The following NALF1 variants were observed in gnomAD, a reference collection of about 807,000 sequenced individuals.
The protein encoded by NALF1 is family with sequence similarity 155 member A.
NALF1 carries 3 observed loss-of-function variants against 48.4 expected under a neutral mutation model. That is an observed-to-expected ratio of 0.06 (90% CI 0.03 to 0.16). The LOEUF is 0.16. NALF1 is among the 10% of genes least tolerant of loss of function. NALF1 has a pLI of 1.00. For synonymous variants in NALF1, 262 were observed against 245.7 expected, an observed-to-expected ratio of 1.07 and a Z score of -0.62; for missense variants, 526 against 571.5, an observed-to-expected ratio of 0.92 and a Z score of 0.81.
At chr13:107,759,029 G>C (rs1877194163) in intron 1 of NALF1, among the ~76,000 whole-genome samples, 1 of 152,070 alleles carries the variant, frequency 6.6e-6, no homozygotes, top group South Asian at 2.1e-4. Context: ...AAGATCTCAG[G>C]GTAGTGGTGT....
chr13:107,435,687 T>G (rs1418439816), intron 1 of NALF1, among the ~76,000 whole-genome samples: 2 of 151,952 alleles, frequency 1.3e-5, no homozygotes, highest in African/African-American at 4.8e-5. Context: ...AGGAAGCACT[T>G]GAAATAACTA....
At chr13:107,201,159 T>C (rs1879507007) in intron 2 of NALF1, among the ~76,000 whole-genome samples, 1 of 147,196 alleles carries the variant, frequency 6.8e-6, no homozygotes, top group African/African-American at 2.7e-5. Flanking sequence ...TATCTATCTA[T>C]CTATCTATCA....
At chr13:107,782,376 G>A (rs948070062) in intron 1 of NALF1, among the ~76,000 whole-genome samples, 2 of 152,200 alleles carry the variant, frequency 1.3e-5, no homozygotes, top group Non-Finnish European at 2.9e-5. Flanking sequence ...CCAGGCTGGA[G>A]TGCAGTGGCG....
At chr13:107,369,889 T>C (rs1215933793) in intron 1 of NALF1, among the ~76,000 whole-genome samples, 1 of 152,186 alleles carries the variant, frequency 6.6e-6, no homozygotes, top group Non-Finnish European at 1.5e-5. Context: ...AATTGGGGCT[T>C]TGTTGTAAAT....
At chr13:107,833,457 T>G (rs548572988) in intron 1 of NALF1, among the ~76,000 whole-genome samples, 1 of 152,358 alleles carries the variant, frequency 6.6e-6, no homozygotes, top group African/African-American at 2.4e-5. Flanking sequence ...CTGCTAGCTG[T>G]CTTACACTGT....
At chr13:107,678,166 A>G (rs1176575296) in intron 1 of NALF1, among the ~76,000 whole-genome samples, 2 of 152,194 alleles carry the variant, frequency 1.3e-5, no homozygotes, top group African/African-American at 4.8e-5. Flanking sequence ...CCTTCTTTGA[A>G]GTATTTACTT....
intron 2 of NALF1, among the ~76,000 whole-genome samples, 180 bp downstream of exon 2, chr13:107,210,404 T>G (rs1478803992): frequency 6.6e-6 from 1 of 152,210 alleles, no homozygotes; most frequent in Non-Finnish European, 1.5e-5. Flanking sequence ...GTACAGAAGC[T>G]GAATCATTTC....
At chr13:107,582,170 T>C (rs1878330695) in intron 1 of NALF1, among the ~76,000 whole-genome samples, 1 of 152,216 alleles carries the variant, frequency 6.6e-6, no homozygotes. Context: ...TAAATTACCA[T>C]AAATGACATA....
intron 1 of NALF1, among the ~76,000 whole-genome samples, chr13:107,416,258 G>A (rs553724733): frequency 6.6e-6 from 1 of 151,196 alleles, no homozygotes; most frequent in Non-Finnish European, 1.5e-5. Context: ...CTCGTGATCT[G>A]CCTGCCTTGG....
intron 1 of NALF1, among the ~76,000 whole-genome samples, chr13:107,651,311 C>T (rs538066371): frequency 2.0e-5 from 3 of 152,192 alleles, no homozygotes; most frequent in Admixed American, 2.0e-4. Context: ...ATAGGTCATG[C>T]CAGGGATGCT....
rs371094388 is a variant in NALF1, at chr13:107,672,845, C to T, written c.915+192837G>A. Among the ~76,000 whole-genome samples the T allele has an allele frequency of 1.8e-4, 27 of 152,152 alleles. No homozygotes were observed. In the East Asian group the frequency reaches 4.3e-3, roughly 24 times the overall value. On this transcript the variant is annotated intron_variant, in intron 1 of 2. Transcript: ENST00000375915. ...CCTGCGAACTGTGGACTTTGTTGTC[C>T]CCAACACGATGCTCATCAATGTTTG...
chr13:107,429,572 C>A (rs982997374), intron 1 of NALF1, among the ~76,000 whole-genome samples: 7 of 152,100 alleles, frequency 4.6e-5, no homozygotes, highest in African/African-American at 1.7e-4. Context: ...GTTTGATAAA[C>A]TAACTAATAT....
intron 1 of NALF1, among the ~76,000 whole-genome samples, chr13:107,460,242 T>C (rs926151958): frequency 6.6e-6 from 1 of 152,232 alleles, no homozygotes; most frequent in Non-Finnish European, 1.5e-5. Context: ...CCTCTAGGGA[T>C]TCACAACCTC....
At chr13:107,467,153 G>C (rs1594078130) in intron 1 of NALF1, among the ~76,000 whole-genome samples, 1 of 151,894 alleles carries the variant, frequency 6.6e-6, no homozygotes. Flanking sequence ...ATGAATTCTT[G>C]ATCGACATTT....
At chr13:107,467,999 G>A (rs1371442840) in intron 1 of NALF1, among the ~76,000 whole-genome samples, 1 of 148,120 alleles carries the variant, frequency 6.8e-6, no homozygotes, top group Non-Finnish European at 1.5e-5. Context: ...AGTGAACTGA[G>A]ATCGCGCCAC....
At chr13:107,717,735 T>C (rs956817840) in intron 1 of NALF1, among the ~76,000 whole-genome samples, 1 of 152,162 alleles carries the variant, frequency 6.6e-6, no homozygotes, top group Non-Finnish European at 1.5e-5. Context: ...GGCAGCACCC[T>C]CCGTGGCTTC....
chr13:107,343,518 C>T (rs374049897), intron 1 of NALF1, among the ~76,000 whole-genome samples: 58 of 152,268 alleles, frequency 3.8e-4, no homozygotes, highest in African/African-American at 1.2e-3. Flanking sequence ...CTATGTAAGA[C>T]GTGACTTGCT....
At chr13:107,300,229 A>C (rs915498555) in intron 1 of NALF1, among the ~76,000 whole-genome samples, 1 of 152,194 alleles carries the variant, frequency 6.6e-6, no homozygotes, top group African/African-American at 2.4e-5. Flanking sequence ...TACAATATCC[A>C]AAGTTCCTGT....
intron 2 of NALF1, among the ~76,000 whole-genome samples, chr13:107,173,231 G>A (rs1464076931): frequency 6.6e-6 from 1 of 152,064 alleles, no homozygotes; most frequent in Admixed American, 6.5e-5. Context: ...ATTCCCCTCA[G>A]GAAGTGTGGA....
Sources: gnomAD v4.1 joint callset for allele counts (sites outside exome capture counted in the v4.1 genomes callset) on GRCh38, gnomAD v4.1.1 for gene constraint, MANE v1.5 for transcripts, NCBI Gene and HGNC (gene_info 2026-07-23, HGNC 2026-07-21) for gene names.